JMJD1C: variants seen among roughly 807,000 people sequenced by gnomAD.
JMJD1C encodes jumonji domain-containing protein 1C.
Under a neutral mutation model 245.3 loss-of-function variants are expected in JMJD1C, and 31 were observed. That is an observed-to-expected ratio of 0.13 (90% confidence interval 0.09 to 0.17). The LOEUF is 0.17. Among genes scored for constraint, JMJD1C ranks in the 10% least tolerant of loss-of-function variants. JMJD1C has a pLI of 1.00. For synonymous variants in JMJD1C, 1,057 were observed against 1,017.4 expected, an observed-to-expected ratio of 1.04 and a Z score of -0.74; for missense variants, 2,691 against 3,000.2, an observed-to-expected ratio of 0.90 and a Z score of 2.41.
intron 1 of JMJD1C, among the ~76,000 whole-genome samples, chr10:63,442,442 C>T (rs1951446075): frequency 6.6e-6 from 1 of 152,104 alleles, no homozygotes; most frequent in Non-Finnish European, 1.5e-5. Context: ...AACGATTAAA[C>T]TTATAAACTT....
chr10:63,419,039 T>C (rs1949961368), intron 1 of JMJD1C, among the ~76,000 whole-genome samples: 2 of 144,522 alleles, frequency 1.4e-5, no homozygotes, highest in African/African-American at 5.2e-5. Flanking sequence ...ATCACACCAC[T>C]GCACTCCAAC....
intron 2 of JMJD1C, among the ~76,000 whole-genome samples, chr10:63,364,557 C>A (rs139849259): frequency 5.9e-5 from 9 of 152,260 alleles, no homozygotes; most frequent in African/African-American, 1.9e-4. Flanking sequence ...TGGATCACAG[C>A]TCACTGCAGC....
chr10:63,370,186 T>G (rs1196771465), intron 2 of JMJD1C, among the ~76,000 whole-genome samples: 1 of 152,206 alleles, frequency 6.6e-6, no homozygotes, highest in Non-Finnish European at 1.5e-5. Flanking sequence ...TTCGTATACT[T>G]TCTCTGCAAT....
chr10:63,222,462 A>G, intron 3 of JMJD1C: 1 of 976,302 alleles, frequency 1.0e-6, no homozygotes, highest in Non-Finnish European at 1.7e-6. Context: ...GATGAAAACA[A>G]TAAAGGGAAA....
At chr10:63,353,138 AC>A (rs1489984334) in intron 2 of JMJD1C, among the ~76,000 whole-genome samples, 3 of 152,252 alleles carry the variant, frequency 2.0e-5, no homozygotes, top group Admixed American at 6.5e-5. Context: ...ATGGGTGTAG[AC>A]AGCCCTTTCA....
chr10:63,186,804 A>T (rs1478971496), intron 18 of JMJD1C, among the ~76,000 whole-genome samples: 1 of 152,246 alleles, frequency 6.6e-6, no homozygotes, highest in Non-Finnish European at 1.5e-5. Flanking sequence ...CTGATGTATT[A>T]TTCTCAGGTT....
rs577856477 is a variant in JMJD1C at position 63,208,709 on chromosome 10, C to A, written c.2960G>T (p.Gly987Val). The change falls in exon 10 of 26, where the codon GGA becomes GTA. Residue 987 changes from glycine to valine, a missense_variant. Gly to Val is a moderately radical substitution (Grantham distance 109). Around this residue, in one of 9 missense-constraint regions of JMJD1C, gnomAD observed 1,562 missense variants for 1,490.7 expected, o/e 1.05. Coordinates refer to ENST00000399262, the MANE Select transcript of JMJD1C (RefSeq NM_032776.3). ...NDLDLNRSQTGKDCHLHRHFV... is the reference protein window; with the variant it reads ...NDLDLNRSQTVKDCHLHRHFV... ...ATGCCTATGTAAGTGACAATCTTTT[C>A]CAGTCTGTGACCTATTTAGATCCAG... is the stretch of plus-strand genomic sequence containing the variant. 1 of 1,614,038 alleles carries A rather than the reference C, an allele frequency of 6.2e-7. No homozygotes were observed. The highest frequency in any genetic ancestry group is 1.3e-5 in the African/African-American group (1 of 75,046).
At chr10:63,345,993 T>C (rs1011232316) in intron 2 of JMJD1C, among the ~76,000 whole-genome samples, 1 of 152,186 alleles carries the variant, frequency 6.6e-6, no homozygotes, top group African/African-American at 2.4e-5. Flanking sequence ...GATGATTTAT[T>C]TTACTCCTTA....
chr10:63,197,384 T>A, intron 13 of JMJD1C, 27 bp downstream of exon 13: 1 of 1,578,912 alleles, frequency 6.3e-7, no homozygotes, highest in Middle Eastern at 1.7e-4. Flanking sequence ...ATAAAAAACT[T>A]CAATTTATAT....
intron 2 of JMJD1C, among the ~76,000 whole-genome samples, chr10:63,366,585 G>A (rs1336086194): frequency 6.6e-6 from 1 of 152,176 alleles, no homozygotes; most frequent in East Asian, 1.9e-4. Context: ...CTCACTGAAT[G>A]AAGAGAAAGA....
intron 1 of JMJD1C, among the ~76,000 whole-genome samples, chr10:63,517,077 C>T (rs186550703): frequency 5.3e-4 from 81 of 152,274 alleles, no homozygotes; most frequent in African/African-American, 1.9e-3. Flanking sequence ...GTAATTTTAG[C>T]CTTTCTCCAA....
intron 1 of JMJD1C, among the ~76,000 whole-genome samples, chr10:63,412,884 T>C (rs553871175): frequency 1.3e-5 from 2 of 152,340 alleles, no homozygotes; most frequent in African/African-American, 2.4e-5. Context: ...TTGCAATATA[T>C]TTATTTAAAA....
At chr10:63,235,042 G>T (rs1850565543) in intron 3 of JMJD1C, among the ~76,000 whole-genome samples, 7 of 151,946 alleles carry the variant, frequency 4.6e-5, no homozygotes, top group Admixed American at 4.6e-4. Flanking sequence ...GAAAAAAACA[G>T]TAATACAACA....
rs148125676 is a variant in JMJD1C, at chr10:63,171,602, G to A, written c.7402-3036C>T. Among the ~76,000 whole-genome samples the A allele has an allele frequency of 3.2e-3, 487 of 152,258 alleles. 2 individuals are homozygous for A. The highest frequency in any genetic ancestry group is 0.011 in the African/African-American group (472 of 41,554). ...GGGTTTGCATGAGATTCCTATTTGTGTGGTTTCCAAAGTGTGGTCCCTGAA... is the reference window on the plus strand; with the variant it reads ...GGGTTTGCATGAGATTCCTATTTGTATGGTTTCCAAAGTGTGGTCCCTGAA... On this transcript the variant is annotated intron_variant, in intron 24 of 25. Coordinates refer to ENST00000399262, the MANE Select transcript of JMJD1C (RefSeq NM_032776.3).
chr10:63,222,270 C>T (rs756640196), intron 3 of JMJD1C: 7 of 858,456 alleles, frequency 8.2e-6, no homozygotes, highest in Non-Finnish European at 1.4e-5. Context: ...ACAGGGAGAG[C>T]TGTCGAGATT....
chr10:63,314,961 T>TG (rs1016543913), intron 2 of JMJD1C, among the ~76,000 whole-genome samples: 23 of 149,080 alleles, frequency 1.5e-4, no homozygotes, highest in South Asian at 4.3e-4. Context: ...TTTTTGTTTT[T>TG]TTTTTTTTTT....
At chr10:63,351,902 T>C (rs976813851) in intron 2 of JMJD1C, among the ~76,000 whole-genome samples, 2 of 152,192 alleles carry the variant, frequency 1.3e-5, no homozygotes, top group South Asian at 2.1e-4. Flanking sequence ...CAATTTAATG[T>C]AGTCCAAGGC....
At chr10:63,221,721 T>C (rs774410345) in intron 3 of JMJD1C, among the ~76,000 whole-genome samples, 4 of 152,088 alleles carry the variant, frequency 2.6e-5, no homozygotes, top group Non-Finnish European at 5.9e-5. Context: ...CATAGGAAAC[T>C]TTTTGTTTTT....
At chr10:63,462,734 G>A (rs1453491213) in intron 1 of JMJD1C, among the ~76,000 whole-genome samples, 1 of 152,248 alleles carries the variant, frequency 6.6e-6, no homozygotes, top group East Asian at 1.9e-4. Flanking sequence ...CTAAAAACTA[G>A]AAAAGGAAAG....
Sources: allele counts gnomAD v4.1 joint callset (sites outside exome capture counted in the v4.1 genomes callset), GRCh38; gene constraint gnomAD v4.1.1; regional missense constraint gnomAD v4.1.1; transcripts MANE v1.5; gene names NCBI Gene and HGNC (gene_info 2026-07-23, HGNC 2026-07-21).